The following TDRP variants were observed in gnomAD, a reference collection of about 807,000 sequenced individuals.
TDRP encodes the protein testis development-related protein.
In TDRP, 12 loss-of-function variants were observed where a neutral mutation model predicts 10.5. That is an observed-to-expected ratio of 1.15 (90% CI 0.73 to 1.86). The LOEUF (loss-of-function observed/expected upper bound fraction) is 1.86, where lower values mean the gene tolerates loss of function less well. Ranked by LOEUF, TDRP falls within the 40% of genes most tolerant of loss-of-function variation. The pLI, the probability that TDRP is intolerant of heterozygous loss-of-function variation, is 0.00. For synonymous variants in TDRP, 139 were observed against 95.4 expected (o/e 1.46, Z -2.67); for missense variants, 353 against 229.2 (o/e 1.54, Z -3.49).
intron 1 of TDRP, among the ~76,000 whole-genome samples, chr8:512,805 C>G (rs1190096654): frequency 6.6e-6 from 1 of 151,990 alleles, no homozygotes; most frequent in Non-Finnish European, 1.5e-5. Flanking sequence ...AACCCCATCT[C>G]TAATAAAAAT....
intron 1 of TDRP, among the ~76,000 whole-genome samples, chr8:514,063 C>G (rs1482294821): frequency 1.3e-5 from 2 of 152,138 alleles, no homozygotes; most frequent in Non-Finnish European, 2.9e-5. Context: ...ATCACAATAC[C>G]AGCTGATTCT....
intron 1 of TDRP, among the ~76,000 whole-genome samples, chr8:517,452 C>A (rs950495624): frequency 6.6e-6 from 1 of 152,136 alleles, no homozygotes; most frequent in South Asian, 2.1e-4. Context: ...GAAGCCTCTA[C>A]CTGGAAGCTT....
At chr8:501,028 A>C (rs934072851) in intron 1 of TDRP, among the ~76,000 whole-genome samples, 2 of 152,054 alleles carry the variant, frequency 1.3e-5, no homozygotes, top group Admixed American at 6.5e-5. Flanking sequence ...AACACGGTGA[A>C]ACCCCGTCTC....
chr8:529,705 G>A (rs993794457), intron 1 of TDRP, among the ~76,000 whole-genome samples: 38 of 152,214 alleles, frequency 2.5e-4, no homozygotes, highest in Admixed American at 1.0e-3. Context: ...ACTCCCTTTT[G>A]TACTGTAATG....
chr8:503,442 C>A (rs1246152186), intron 1 of TDRP, among the ~76,000 whole-genome samples: 4 of 151,634 alleles, frequency 2.6e-5, no homozygotes, highest in Non-Finnish European at 5.9e-5. Context: ...GGAACCCGTG[C>A]CCACCTCAGC....
intron 1 of TDRP, among the ~76,000 whole-genome samples, chr8:531,549 A>C (rs1802197744): frequency 6.6e-6 from 1 of 152,214 alleles, no homozygotes; most frequent in Non-Finnish European, 1.5e-5. Flanking sequence ...TGGTGTCAGA[A>C]GAAACCACAC....
chr8:496,639 TC>T (rs556492599), intron 1 of TDRP, among the ~76,000 whole-genome samples: 48 of 152,216 alleles, frequency 3.2e-4, no homozygotes, highest in Non-Finnish European at 3.8e-4. Context: ...GCCCACCCCT[TC>T]CTTTAAGCTG....
At position 501,262 on chromosome 8, in the gene TDRP, T is replaced by C. The variant is rs77481612; in HGVS notation, c.109-6665A>G. Among the ~76,000 whole-genome samples the C allele has an allele frequency of 6.0e-4, 92 of 152,282 alleles. 2 individuals are homozygous for C. The East Asian group carries it at 0.017, about 28-fold the overall frequency. ...GTAATGCTCGGGTCAGCTCACTGCATGCCACATAACCTGCACCTACCAGTT... is the reference window on the plus strand; with the variant it reads ...GTAATGCTCGGGTCAGCTCACTGCACGCCACATAACCTGCACCTACCAGTT... On this transcript the variant is annotated intron_variant, in intron 1 of 2. Transcript: ENST00000324079.
At chr8:519,813 C>G (rs1233766501) in intron 1 of TDRP, among the ~76,000 whole-genome samples, 1 of 152,130 alleles carries the variant, frequency 6.6e-6, no homozygotes, top group Non-Finnish European at 1.5e-5. Context: ...GGTATGTGAC[C>G]CACCCTGATG....
chr8:517,720 G>A (rs1353438529), intron 1 of TDRP, among the ~76,000 whole-genome samples: 2 of 152,090 alleles, frequency 1.3e-5, no homozygotes, highest in Non-Finnish European at 2.9e-5. Context: ...AACAACCTTG[G>A]GTACATGTTC....
In TDRP at chr8:527,714, T is replaced by C. The variant is rs186810643; in HGVS notation, c.108+16936A>G. ...AACTGGATATCCACATGCAGAAGAA[T>C]GAAACTAGACTCCTATTTCTCACCA... On this transcript the variant is annotated intron_variant, in intron 1 of 2. Transcript: ENST00000324079. 7.2e-5 allele frequency among the ~76,000 whole-genome samples: 11 copies of C among 152,276 alleles called. No homozygotes were observed. In the East Asian group the frequency reaches 1.9e-3, roughly 27 times the overall value.
At chr8:523,682 A>T (rs1426372719) in intron 1 of TDRP, among the ~76,000 whole-genome samples, 1 of 152,182 alleles carries the variant, frequency 6.6e-6, no homozygotes, top group Non-Finnish European at 1.5e-5. Flanking sequence ...GGCCTGGGGC[A>T]GTGGTAGCCA....
chr8:527,849 C>T (rs4735803), intron 1 of TDRP, among the ~76,000 whole-genome samples: 1 of 151,944 alleles, frequency 6.6e-6, no homozygotes, highest in African/African-American at 2.4e-5. Flanking sequence ...GGACATTGGA[C>T]TAAGCAAAGA....
At chr8:528,847 A>ATGTGTG (rs144392634) in intron 1 of TDRP, among the ~76,000 whole-genome samples, 21 of 151,420 alleles carry the variant, frequency 1.4e-4, no homozygotes, top group African/African-American at 2.9e-4. Context: ...GTGTGTATAT[A>ATGTGTG]TGTGTGTGTG....
chr8:491,373 A>G lies in TDRP; in HGVS notation c.*1026T>C, dbSNP rs1203065362. The G allele has an allele frequency of 1.1e-5, 4 of 377,696 alleles. No homozygotes were observed. The highest frequency in any genetic ancestry group is 1.3e-4 in the South Asian group (1 of 7,476). 23.4% of individuals were successfully genotyped at this position (377,696 alleles called of 1,614,324 possible). A position where few individuals can be genotyped will look rare whatever the true frequency, so the allele number is the denominator to read the frequency against. ...ATAAGAGCCAACCTTCCAGGGACGC[A>G]TAACTGGCACCTGATACTGTGCAGG... is the stretch of plus-strand genomic sequence containing the variant. On this transcript the variant is annotated 3_prime_UTR_variant, in exon 3 of 3. Transcript: ENST00000324079.
intron 2 of TDRP, among the ~76,000 whole-genome samples, chr8:493,858 A>G (rs1028157260): frequency 2.0e-5 from 3 of 152,148 alleles, no homozygotes; most frequent in South Asian, 2.1e-4. Flanking sequence ...TTTAAGGCTA[A>G]TAAGTTCAAT....
chr8:492,877 G>C (rs1445659151), intron 2 of TDRP, 133 bp from the exon 3 acceptor site: 7 of 735,272 alleles, frequency 9.5e-6, no homozygotes, highest in South Asian at 2.7e-5. Context: ...TATATGAAAA[G>C]TTTCAAATAT....
chr8:539,135 T>G (rs1202928524), intron 1 of TDRP, among the ~76,000 whole-genome samples: 1 of 152,212 alleles, frequency 6.6e-6, no homozygotes, highest in Non-Finnish European at 1.5e-5. Flanking sequence ...TGCTGTGGAC[T>G]GAATGTTTGT....
rs564245030 is a variant in TDRP, at chr8:508,670, T to G, written c.109-14073A>C. Among the ~76,000 whole-genome samples the G allele has an allele frequency of 3.3e-5, 5 of 152,212 alleles. No individual in the cohort carries two copies. In the South Asian group the frequency reaches 8.3e-4, roughly 25 times the overall value. ...ATTACAATTCAAGATGAGATTTGGG[T>G]GGGGACACACAGCCAAACCGTATCA... On this transcript the variant is annotated intron_variant, in intron 1 of 2. Coordinates refer to ENST00000324079, the MANE Select transcript of TDRP (RefSeq NM_001384899.1).
Sources: gnomAD v4.1 joint callset for allele counts (sites outside exome capture counted in the v4.1 genomes callset) on GRCh38, gnomAD v4.1.1 for gene constraint, MANE v1.5 for transcripts, NCBI Gene and HGNC (gene_info 2026-07-23, HGNC 2026-07-21) for gene names.